SOCS7: variants seen among roughly 807,000 people sequenced by gnomAD.
The protein encoded by SOCS7 is suppressor of cytokine signaling 7.
Under a neutral mutation model 58.9 loss-of-function variants are expected in SOCS7, and 18 were observed. That is an observed-to-expected ratio of 0.31 (90% confidence interval 0.21 to 0.45). The LOEUF is 0.45. SOCS7 is among the 20% of genes least tolerant of loss of function. SOCS7 has a pLI of 1.00. For synonymous variants in SOCS7, 388 were observed against 364.3 expected, an observed-to-expected ratio of 1.06 and a Z score of -0.74; for missense variants, 667 against 837.3, an observed-to-expected ratio of 0.80 and a Z score of 2.51.
intron 1 of SOCS7, among the ~76,000 whole-genome samples, chr17:38,359,597 A>C (rs1018238581): frequency 2.0e-5 from 3 of 152,166 alleles, no homozygotes; most frequent in African/African-American, 7.2e-5. Context: ...GCCCCTCTCT[A>C]TTGGTGCAGT....
At chr17:38,366,742 T>C (rs1452846121) in intron 5 of SOCS7, among the ~76,000 whole-genome samples, 1 of 152,152 alleles carries the variant, frequency 6.6e-6, no homozygotes, top group Non-Finnish European at 1.5e-5. Context: ...GTGATCCTCT[T>C]GCCTCTGCCT....
rs1215449703 is a variant in SOCS7, at chr17:38,399,835, C to T, written c.*353C>T. The T allele has an allele frequency of 1.3e-5, 2 of 152,288 alleles. No individual in the cohort carries two copies. The highest frequency in any genetic ancestry group is 2.1e-4 in the South Asian group (1 of 4,820). 9.4% of individuals were successfully genotyped at this position (152,288 alleles called of 1,614,324 possible). ...CTTGAAGGCAGTTGGGGTTTGTGCC[C>T]GTTGGATTGAAAGTGGTGCGAAGGG... is the stretch of plus-strand genomic sequence containing the variant. On this transcript the variant is annotated 3_prime_UTR_variant, in exon 10 of 10. Coordinates refer to ENST00000612932, the MANE Select transcript of SOCS7 (RefSeq NM_014598.4).
At chr17:38,364,313 A>G (rs752829805) in intron 2 of SOCS7, among the ~76,000 whole-genome samples, 9 of 152,230 alleles carry the variant, frequency 5.9e-5, no homozygotes, top group Non-Finnish European at 1.2e-4. Flanking sequence ...AGCTTACCGT[A>G]CAGTTCTTAG....
chr17:38,385,876 G>A (rs570421191), intron 7 of SOCS7, among the ~76,000 whole-genome samples: 52 of 152,176 alleles, frequency 3.4e-4, no homozygotes, highest in African/African-American at 1.2e-3. Flanking sequence ...GCAGGAGTCT[G>A]ATTCAAACTC....
At chr17:38,366,072 G>A (rs929932181) in intron 4 of SOCS7, 2 of 1,256,410 alleles carry the variant, frequency 1.6e-6, no homozygotes, top group East Asian at 6.1e-5. Flanking sequence ...TTGGGGTCAA[G>A]TGCCCCCACC....
At chr17:38,369,939 G>A (rs1389319403) in intron 6 of SOCS7, among the ~76,000 whole-genome samples, 2 of 151,852 alleles carry the variant, frequency 1.3e-5, no homozygotes, top group African/African-American at 2.4e-5. Flanking sequence ...ACAGGTGCCC[G>A]CCACTATGCC....
rs944551440 is a variant in SOCS7 at position 38,403,982 on chromosome 17, G to GA, written c.*4510dup. 131 of 146,606 alleles carry GA rather than the reference G, an allele frequency of 8.9e-4. No homozygotes were observed. The East Asian group carries it at 0.014, about 16-fold the overall frequency. 9.1% of individuals were successfully genotyped at this position (146,606 alleles called of 1,614,324 possible). ...ACCTTTTTTATTAAAAAAAGAAAAA[G>GA]AAAAAAAAAAGAAAGAAAAGTGTGC... On this transcript the variant is annotated 3_prime_UTR_variant, in exon 10 of 10. Transcript: ENST00000612932.
chr17:38,389,950 C>G (rs796938180), intron 7 of SOCS7, among the ~76,000 whole-genome samples: 7 of 93,458 alleles, frequency 7.5e-5, no homozygotes, highest in African/African-American at 3.0e-4. Flanking sequence ...GAGACAGAGT[C>G]TCTCTCTGTC....
rs766653256 is a variant in SOCS7 at position 38,352,498 on chromosome 17, GTCC to G, written c.452_454del (p.Pro151del). On this transcript the variant is annotated inframe_deletion, in exon 1 of 10. Coordinates refer to ENST00000612932, the MANE Select transcript of SOCS7 (RefSeq NM_014598.4). The surrounding 1 kb of genome is among the most constrained non-coding windows in gnomAD (Gnocchi z 5.5). ...GGTGGGGGTTGCTGCCCGTGTCCGT[GTCC>G]TCCTCAGCCGCCCCCTCCGCAGCCC... 244 of 1,538,896 alleles carry G rather than the reference GTCC, an allele frequency of 1.6e-4. No individual in the cohort carries two copies. Among genetic ancestry groups the G allele is most frequent in the East Asian group, 6.9e-4 (28 of 40,748 alleles).
In SOCS7 at chr17:38,377,707, A is replaced by T; in HGVS notation, c.1553-7A>T. On this transcript the variant is annotated splice_polypyrimidine_tract_variant and splice_region_variant and intron_variant, in intron 6 of 9. Coordinates refer to ENST00000612932, the MANE Select transcript of SOCS7 (RefSeq NM_014598.4). ...TAAAATTTTTACTTCTTAATTTTCC[A>T]TGGCAGGAACCTTCAGCCTGTGGTG... 1 of 1,595,490 alleles carries T rather than the reference A, an allele frequency of 6.3e-7. No individual in the cohort carries two copies. Among genetic ancestry groups the T allele is most frequent in the Non-Finnish European group, 8.5e-7 (1 of 1,174,944 alleles).
intron 6 of SOCS7, among the ~76,000 whole-genome samples, chr17:38,375,443 A>G (rs1464127440): frequency 6.6e-6 from 1 of 152,166 alleles, no homozygotes; most frequent in African/African-American, 2.4e-5. Context: ...CATTTAATGA[A>G]TAGTAAATAT....
At chr17:38,357,385 T>C (rs1282553663) in intron 1 of SOCS7, among the ~76,000 whole-genome samples, 1 of 152,196 alleles carries the variant, frequency 6.6e-6, no homozygotes, top group Non-Finnish European at 1.5e-5. Context: ...GGTTGGCAGC[T>C]CTCCTTTAGA....
At chr17:38,389,721 G>A (rs1205257828) in intron 7 of SOCS7, among the ~76,000 whole-genome samples, 1 of 141,570 alleles carries the variant, frequency 7.1e-6, no homozygotes, top group Admixed American at 7.3e-5. Flanking sequence ...GTTATATTTA[G>A]AAAAGTTTGC....
intron 2 of SOCS7, among the ~76,000 whole-genome samples, chr17:38,362,730 T>A (rs183240157): frequency 6.6e-6 from 1 of 152,250 alleles, no homozygotes; most frequent in Non-Finnish European, 1.5e-5. Context: ...AGGAGGTCTC[T>A]GTTCTTACCC....
chr17:38,397,496 C>T (rs937486714), intron 9 of SOCS7, among the ~76,000 whole-genome samples: 30 of 152,236 alleles, frequency 2.0e-4, no homozygotes, highest in Admixed American at 2.0e-3. Context: ...ATGCTCTGCC[C>T]CAAGGCCCTC....
intron 7 of SOCS7, among the ~76,000 whole-genome samples, chr17:38,380,274 C>T (rs943730421): frequency 1.3e-5 from 2 of 151,868 alleles, no homozygotes; most frequent in South Asian, 4.2e-4. Context: ...TGGCCAGGCT[C>T]TTTATTTAAA....
chr17:38,397,657 C>T (rs1176902481), intron 9 of SOCS7, among the ~76,000 whole-genome samples: 1 of 152,322 alleles, frequency 6.6e-6, no homozygotes, highest in Admixed American at 6.5e-5. Context: ...CAGCAGATAG[C>T]TGTATATTTG....
At chr17:38,359,841 A>G (rs945323391) in intron 1 of SOCS7, among the ~76,000 whole-genome samples, 5 of 151,986 alleles carry the variant, frequency 3.3e-5, no homozygotes, top group South Asian at 2.1e-4. Context: ...CAGTGGCTCA[A>G]TCATGGCTCA....
chr17:38,360,688 C>T (rs995487962), intron 1 of SOCS7, among the ~76,000 whole-genome samples: 2 of 151,988 alleles, frequency 1.3e-5, no homozygotes, highest in Non-Finnish European at 2.9e-5. Flanking sequence ...TACAGGCACC[C>T]GCCACCACAC....
Sources: gnomAD v4.1 joint callset for allele counts (sites outside exome capture counted in the v4.1 genomes callset) on GRCh38, gnomAD v4.1.1 for gene constraint, Gnocchi (gnomAD v3.1) non-coding constraint, MANE v1.5 for transcripts, NCBI Gene and HGNC (gene_info 2026-07-23, HGNC 2026-07-21) for gene names.